EPHB2: variants seen among roughly 807,000 people sequenced by gnomAD.
EPHB2 encodes the protein ephrin type-B receptor 2.
In EPHB2, 18 loss-of-function variants were observed where a neutral mutation model predicts 96.4. That is an observed-to-expected ratio of 0.19 (90% confidence interval 0.13 to 0.28). EPHB2 has a LOEUF of 0.28. Ranked by LOEUF, EPHB2 falls within the 10% of genes least tolerant of loss-of-function variation. EPHB2 has a pLI of 1.00. For missense variants in EPHB2, 989 were observed against 1,355.4 expected (o/e 0.73, Z 4.25); for synonymous variants, 506 against 534.1 (o/e 0.95, Z 0.72).
chr1:22,765,397 AT>A (rs1428471826), intron 1 of EPHB2, among the ~76,000 whole-genome samples: 1 of 152,008 alleles, frequency 6.6e-6, no homozygotes, highest in Non-Finnish European at 1.5e-5. Flanking sequence ...AAATACAAAA[AT>A]TAGCCAGGCA....
chr1:22,874,812 CCA>C (rs2148540362), intron 5 of EPHB2, among the ~76,000 whole-genome samples: 1 of 152,130 alleles, frequency 6.6e-6, no homozygotes, highest in East Asian at 1.9e-4. Context: ...TCTCCTGGAC[CCA>C]GTTTTTTGTT....
chr1:22,782,134 T>G (rs1012360393), intron 2 of EPHB2, among the ~76,000 whole-genome samples: 2 of 152,186 alleles, frequency 1.3e-5, no homozygotes, highest in African/African-American at 4.8e-5. Context: ...AAATGTGTCT[T>G]AGCTCTGCCA....
chr1:22,765,757 G>C (rs981700825), intron 1 of EPHB2, among the ~76,000 whole-genome samples: 1 of 152,032 alleles, frequency 6.6e-6, no homozygotes, highest in Non-Finnish European at 1.5e-5. Context: ...ATTGGGTGCA[G>C]AGATTGCTGC....
chr1:22,817,501 C>T (rs751024), intron 3 of EPHB2, among the ~76,000 whole-genome samples: 113,186 of 152,242 alleles, frequency 0.74, 42,693 homozygotes, highest in Middle Eastern at 0.81. Context: ...CACACATGCC[C>T]ACAGGCTCCT....
At position 22,836,428 on chromosome 1, in the gene EPHB2, A is replaced by G. The variant is rs140715443; in HGVS notation, c.812-26609A>G. On this transcript the variant is annotated intron_variant, in intron 3 of 15. Coordinates refer to ENST00000374630, the MANE Select transcript of EPHB2 (RefSeq NM_017449.5). ...TGTGGTTTTGTGAGCAGTTGCTTCA[A>G]TGGGCATGTATTTTGGTACATTGAT... is the stretch of plus-strand genomic sequence containing the variant. Among the ~76,000 whole-genome samples the G allele has an allele frequency of 2.8e-4, 42 of 152,370 alleles. No individual in the cohort carries two copies. The East Asian group carries it at 5.4e-3, about 20-fold the overall frequency.
At chr1:22,876,863 C>T (rs1366103600) in intron 5 of EPHB2, among the ~76,000 whole-genome samples, 1 of 152,238 alleles carries the variant, frequency 6.6e-6, no homozygotes, top group East Asian at 1.9e-4. Flanking sequence ...AATGCTGCCT[C>T]CTTGCCACGC....
At chr1:22,905,914 A>T (rs1442461021) in intron 9 of EPHB2, 73 bp from the exon 10 acceptor site, 1 of 1,611,408 alleles carries the variant, frequency 6.2e-7, no homozygotes, top group African/African-American at 1.3e-5. Flanking sequence ...CCACGGAGGG[A>T]CTGGCTCCCG....
chr1:22,821,940 G>A (rs1010507779), intron 3 of EPHB2, among the ~76,000 whole-genome samples: 1 of 152,116 alleles, frequency 6.6e-6, no homozygotes, highest in East Asian at 1.9e-4. Context: ...ATGAGGCTCC[G>A]GTGGTGGTAC....
At chr1:22,854,594 C>T (rs1277474391) in intron 3 of EPHB2, among the ~76,000 whole-genome samples, 1 of 152,220 alleles carries the variant, frequency 6.6e-6, no homozygotes, top group South Asian at 2.1e-4. Flanking sequence ...GGACAGAGTG[C>T]TTCCTTTCTG....
At chr1:22,752,320 A>G (rs554975707) in intron 1 of EPHB2, among the ~76,000 whole-genome samples, 48 of 152,258 alleles carry the variant, frequency 3.2e-4, no homozygotes, top group Middle Eastern at 6.8e-3. Flanking sequence ...AAACACGGCG[A>G]AAACCCATCT....
chr1:22,752,887 A>G (rs1644086384), intron 1 of EPHB2, among the ~76,000 whole-genome samples: 1 of 151,922 alleles, frequency 6.6e-6, no homozygotes, highest in Admixed American at 6.5e-5. Flanking sequence ...GGGCTCAAGC[A>G]ATCTTCCTGC....
chr1:22,848,142 C>T (rs1489074179), intron 3 of EPHB2, among the ~76,000 whole-genome samples: 2 of 152,160 alleles, frequency 1.3e-5, no homozygotes, highest in Admixed American at 6.5e-5. Context: ...ACCACACACA[C>T]GATCTCAAAT....
At chr1:22,828,747 C>T (rs1557699266) in intron 3 of EPHB2, among the ~76,000 whole-genome samples, 1 of 152,162 alleles carries the variant, frequency 6.6e-6, no homozygotes, top group Non-Finnish European at 1.5e-5. Context: ...TAGAATGTTG[C>T]AATCATTTAA....
intron 3 of EPHB2, among the ~76,000 whole-genome samples, chr1:22,837,458 G>A (rs1645402197): frequency 6.6e-6 from 1 of 152,166 alleles, no homozygotes; most frequent in African/African-American, 2.4e-5. Flanking sequence ...GTGTAGGTGG[G>A]AGAGATAAAA....
intron 3 of EPHB2, among the ~76,000 whole-genome samples, chr1:22,855,587 C>T (rs1432945805): frequency 1.3e-5 from 2 of 152,228 alleles, no homozygotes; most frequent in African/African-American, 2.4e-5. Context: ...TAGACCTGAA[C>T]TTCTGAAGAC....
In EPHB2 at chr1:22,875,197, G is replaced by A. The variant is rs1026675559; in HGVS notation, c.1304-7162G>A. ...CAGAAATTCGGTTGTGAGAATTATC[G>A]TCAGGTCATCCAGAATTGCAGCCAG... On this transcript the variant is annotated intron_variant, in intron 5 of 15. Transcript: ENST00000374630. This position sits in a 1 kb window ranked among gnomAD's most constrained non-coding sequence, Gnocchi z 4.2. 2.6e-5 allele frequency among the ~76,000 whole-genome samples: 4 copies of A among 152,146 alleles called. No individual in the cohort carries two copies. Among genetic ancestry groups the A allele is most frequent in the Non-Finnish European group, 4.4e-5 (3 of 68,026 alleles).
At position 22,711,047 on chromosome 1, in the gene EPHB2, AGCGAGCGG is replaced by A. The variant is rs1232019921; in HGVS notation, c.61+8_61+15del. 2 of 145,908 alleles carry A rather than the reference AGCGAGCGG, an allele frequency of 1.4e-5. No homozygotes were observed. The highest frequency in any genetic ancestry group is 5.0e-5 in the African/African-American group (2 of 39,604). 9.0% of individuals were successfully genotyped at this position (145,908 alleles called of 1,614,324 possible). A position where few individuals can be genotyped will look rare whatever the true frequency, so the allele number is the denominator to read the frequency against. On this transcript the variant is annotated splice_donor_5th_base_variant and intron_variant, in intron 1 of 15. Transcript: ENST00000374630. Reference sequence around the variant, plus strand: ...CCGCTGCTCGCCGCCGTGGAAGGTGAGCGAGCGGGCGGGCGGGCGGGCGATGGGGGCGG... The same window carrying A: ...CCGCTGCTCGCCGCCGTGGAAGGTGAGCGGGCGGGCGGGCGATGGGGGCGG...
chr1:22,754,883 T>G (rs1251414548), intron 1 of EPHB2, among the ~76,000 whole-genome samples: 320 of 47,934 alleles, frequency 6.7e-3, no homozygotes, highest in South Asian at 0.011. Context: ...GCAGGTGAGG[T>G]GAGGCGAGGG....
intron 3 of EPHB2, among the ~76,000 whole-genome samples, chr1:22,817,491 C>T (rs143323412): frequency 3.4e-4 from 52 of 152,334 alleles, no homozygotes; most frequent in African/African-American, 1.2e-3. Context: ...ATCCTGTGGC[C>T]ACACATGCCC....
Sources: allele counts gnomAD v4.1 joint callset (sites outside exome capture counted in the v4.1 genomes callset), GRCh38; gene constraint gnomAD v4.1.1; non-coding constraint Gnocchi (gnomAD v3.1); transcripts MANE v1.5; gene names NCBI Gene and HGNC (gene_info 2026-07-23, HGNC 2026-07-21).